The following SYT1 variants were observed in gnomAD, a reference collection of about 807,000 sequenced individuals.
The protein encoded by SYT1 is synaptotagmin-1.
Under a neutral mutation model 44.8 loss-of-function variants are expected in SYT1, and 8 were observed. That is an observed-to-expected ratio of 0.18 (90% confidence interval 0.10 to 0.32). The LOEUF is 0.32. Ranked by LOEUF, SYT1 falls within the 10% of genes least tolerant of loss-of-function variation. The pLI is 1.00. For missense variants in SYT1, 286 were observed against 509.3 expected (o/e 0.56, Z 4.22); for synonymous variants, 154 against 188.8 (o/e 0.82, Z 1.51).
intron 3 of SYT1, among the ~76,000 whole-genome samples, chr12:79,098,347 A>G (rs1039542576): frequency 6.6e-6 from 1 of 152,054 alleles, no homozygotes; most frequent in Non-Finnish European, 1.5e-5. Flanking sequence ...TCATCTACTA[A>G]CAAAATTTTT....
At chr12:78,878,462 T>A (rs1565698767) in intron 1 of SYT1, among the ~76,000 whole-genome samples, 1 of 151,778 alleles carries the variant, frequency 6.6e-6, no homozygotes, top group Non-Finnish European at 1.5e-5. Flanking sequence ...GACATATGAG[T>A]AACGCAGCAC....
intron 2 of SYT1, among the ~76,000 whole-genome samples, chr12:79,043,473 T>G (rs1272979098): frequency 2.7e-5 from 4 of 149,324 alleles, no homozygotes; most frequent in Non-Finnish European, 5.9e-5. Flanking sequence ...GTTTTCCATT[T>G]GCTTGGTAGA....
At chr12:79,410,248 T>A (rs1345243620) in intron 9 of SYT1, among the ~76,000 whole-genome samples, 1 of 152,102 alleles carries the variant, frequency 6.6e-6, no homozygotes, top group Non-Finnish European at 1.5e-5. Flanking sequence ...ATTGTCTTAA[T>A]TTTGCAGCAA....
chr12:79,266,784 A>G (rs1226046864), intron 4 of SYT1, among the ~76,000 whole-genome samples: 1 of 152,202 alleles, frequency 6.6e-6, no homozygotes, highest in East Asian at 1.9e-4. Flanking sequence ...AGCAAACTAC[A>G]GATTGGGAGG....
rs954511135 is a variant in SYT1, at chr12:79,450,349, C to G, written c.*1225C>G. On this transcript the variant is annotated 3_prime_UTR_variant, in exon 11 of 11. Transcript: ENST00000261205. The stretch of plus-strand genomic sequence containing the variant: ...TGCACTTCAATTAAGCCAAAACAGA[C>G]AGCTAGTGATCTTTTTATATGCTCT... The G allele has an allele frequency of 6.5e-6, 1 of 152,672 alleles. No individual in the cohort carries two copies. Among genetic ancestry groups the G allele is most frequent in the South Asian group, 2.1e-4 (1 of 4,822 alleles). The allele number at this position is 152,672 out of a possible 1,614,324, so 9.5% of individuals were successfully genotyped here.
intron 1 of SYT1, among the ~76,000 whole-genome samples, chr12:78,930,520 T>A (rs545090780): frequency 6.6e-6 from 1 of 151,912 alleles, no homozygotes; most frequent in Non-Finnish European, 1.5e-5. Context: ...ACTCAGAGAT[T>A]TTTAGAAATA....
chr12:79,416,308 G>T (rs1402503631), intron 9 of SYT1, among the ~76,000 whole-genome samples: 1 of 152,124 alleles, frequency 6.6e-6, no homozygotes, highest in Non-Finnish European at 1.5e-5. Context: ...TATTTGCCTG[G>T]AAGTCCCTTA....
chr12:79,113,493 A>T (rs1041643799), intron 3 of SYT1, among the ~76,000 whole-genome samples: 1 of 152,082 alleles, frequency 6.6e-6, no homozygotes. Flanking sequence ...TATATTGTCA[A>T]TTGAATTTTG....
intron 4 of SYT1, among the ~76,000 whole-genome samples, chr12:79,266,163 T>C (rs1334606692): frequency 6.6e-6 from 1 of 152,200 alleles, no homozygotes; most frequent in Non-Finnish European, 1.5e-5. Context: ...AGACTTAGCA[T>C]GTACTTAACT....
At chr12:79,047,562 CGTT>C (rs1241620825) in intron 3 of SYT1, among the ~76,000 whole-genome samples, 200 bp downstream of exon 3, 3 of 151,804 alleles carry the variant, frequency 2.0e-5, no homozygotes, top group African/African-American at 4.8e-5. Context: ...GCAAAGTACT[CGTT>C]GTGATACATT....
At chr12:79,066,693 A>G (rs1432666863) in intron 3 of SYT1, among the ~76,000 whole-genome samples, 1 of 152,170 alleles carries the variant, frequency 6.6e-6, no homozygotes, top group Non-Finnish European at 1.5e-5. Flanking sequence ...TATTGGTAAC[A>G]TAGCTAATAC....
At chr12:78,980,163 A>G (rs971113489) in intron 2 of SYT1, among the ~76,000 whole-genome samples, 1 of 152,098 alleles carries the variant, frequency 6.6e-6, no homozygotes, top group South Asian at 2.1e-4. Flanking sequence ...TAAAGTAAGT[A>G]TACACTCAAA....
chr12:78,933,952 A>G (rs1161325313), intron 1 of SYT1, among the ~76,000 whole-genome samples: 1 of 152,138 alleles, frequency 6.6e-6, no homozygotes, highest in Non-Finnish European at 1.5e-5. Flanking sequence ...GAAATTGAGT[A>G]TAATGTTCTG....
chr12:79,293,325 A>AAAAATAAAAT lies in SYT1; in HGVS notation c.474+1271_474+1280dup, dbSNP rs71091659. Among the ~76,000 whole-genome samples, 182 of 111,550 alleles carry AAAAATAAAAT rather than the reference A, an allele frequency of 1.6e-3. 7 individuals are homozygous for AAAAATAAAAT. The highest frequency in any genetic ancestry group is 2.3e-3 in the Admixed American group (23 of 9,806). The allele number at this position is 111,550 out of a possible 152,430, so 73.2% of individuals were successfully genotyped here. On this transcript the variant is annotated intron_variant, in intron 6 of 10. Transcript: ENST00000261205. ...GGCGACAGAGCGAGACTCCATCTCA[A>AAAAATAAAAT]AAAATAAAATAAAATAAAATAAAAT...
chr12:78,890,748 A>G (rs1299849859), intron 1 of SYT1, among the ~76,000 whole-genome samples: 2 of 151,262 alleles, frequency 1.3e-5, no homozygotes, highest in African/African-American at 4.9e-5. Context: ...ATCTCCTTAC[A>G]CTGTCTTTCT....
chr12:79,446,654 C>T (rs1870751860), intron 10 of SYT1, among the ~76,000 whole-genome samples: 1 of 152,122 alleles, frequency 6.6e-6, no homozygotes, highest in Admixed American at 6.6e-5. Context: ...TAAATTTTCA[C>T]ATGGTGTCAA....
intron 3 of SYT1, among the ~76,000 whole-genome samples, chr12:79,089,905 A>G (rs1877653828): frequency 6.6e-6 from 1 of 152,114 alleles, no homozygotes; most frequent in Admixed American, 6.6e-5. Context: ...ACTCAGAGGA[A>G]AAACACATCT....
chr12:79,162,127 A>G (rs1870985923), intron 3 of SYT1, among the ~76,000 whole-genome samples: 1 of 152,284 alleles, frequency 6.6e-6, no homozygotes, highest in African/African-American at 2.4e-5. Context: ...TAAGAGCACC[A>G]GATACTTGAA....
intron 1 of SYT1, among the ~76,000 whole-genome samples, chr12:78,898,439 A>G (rs1875481864): frequency 6.6e-6 from 1 of 152,116 alleles, no homozygotes; most frequent in Non-Finnish European, 1.5e-5. Flanking sequence ...ATTGTGTCAA[A>G]GAATTACAAA....
Sources: gnomAD v4.1 joint callset for allele counts (sites outside exome capture counted in the v4.1 genomes callset) on GRCh38, gnomAD v4.1.1 for gene constraint, MANE v1.5 for transcripts, NCBI Gene and HGNC (gene_info 2026-07-23, HGNC 2026-07-21) for gene names.